Variants in MGLL observed in about 807,000 individuals in gnomAD.
MGLL encodes lysophospholipase homolog.
In MGLL, 7 loss-of-function variants were observed where a neutral mutation model predicts 29.1. That is an observed-to-expected ratio of 0.24 (90% CI 0.14 to 0.45). The LOEUF is 0.45. Ranked by LOEUF, MGLL falls within the 20% of genes least tolerant of loss-of-function variation. The pLI, the probability that MGLL is intolerant of heterozygous loss-of-function variation, is 0.99. For synonymous variants in MGLL, 148 were observed against 168.3 expected, an observed-to-expected ratio of 0.88 and a Z score of 0.93; for missense variants, 356 against 413.6, an observed-to-expected ratio of 0.86 and a Z score of 1.21.
At chr3:127,779,932 C>T (rs547717269) in intron 3 of MGLL, among the ~76,000 whole-genome samples, 10 of 152,326 alleles carry the variant, frequency 6.6e-5, no homozygotes, top group African/African-American at 1.2e-4. Flanking sequence ...AAGTCACACA[C>T]GCACAGTCAA....
chr3:127,752,632 G>A (rs1448049231), intron 3 of MGLL, among the ~76,000 whole-genome samples: 4 of 152,056 alleles, frequency 2.6e-5, no homozygotes, highest in Admixed American at 6.5e-5. Context: ...GTACATATGC[G>A]GCAGATCCCT....
chr3:127,801,663 A>G (rs1016413838), intron 2 of MGLL, among the ~76,000 whole-genome samples: 1 of 152,056 alleles, frequency 6.6e-6, no homozygotes, highest in African/African-American at 2.4e-5. Context: ...GACATTTCCA[A>G]GAAAAGTTCA....
At chr3:127,704,304 G>A (rs898465470) in intron 6 of MGLL, among the ~76,000 whole-genome samples, 2 of 152,152 alleles carry the variant, frequency 1.3e-5, no homozygotes, top group Non-Finnish European at 2.9e-5. Context: ...ATACCATTCA[G>A]GACTTAGGCA....
chr3:127,810,068 T>C (rs2077635164), intron 2 of MGLL, among the ~76,000 whole-genome samples: 1 of 152,170 alleles, frequency 6.6e-6, no homozygotes, highest in South Asian at 2.1e-4. Context: ...GCACAGCCTA[T>C]ACAATGAAGC....
intron 2 of MGLL, among the ~76,000 whole-genome samples, chr3:127,783,133 G>C (rs2077156367): frequency 1.0e-5 from 1 of 99,114 alleles, no homozygotes; most frequent in South Asian, 3.8e-4. Flanking sequence ...GACAGAGTGG[G>C]ACTCTGTCTC....
At chr3:127,803,486 G>A (rs2077514038) in intron 2 of MGLL, among the ~76,000 whole-genome samples, 1 of 152,210 alleles carries the variant, frequency 6.6e-6, no homozygotes, top group Non-Finnish European at 1.5e-5. Context: ...CACACCATAT[G>A]GGATGCTTTT....
chr3:127,738,227 G>A (rs1266450927), intron 3 of MGLL, among the ~76,000 whole-genome samples: 1 of 151,898 alleles, frequency 6.6e-6, no homozygotes, highest in African/African-American at 2.4e-5. Context: ...CTTGAGCCCG[G>A]GAAGTTGAGG....
chr3:127,770,332 C>T (rs1442815336), intron 3 of MGLL, among the ~76,000 whole-genome samples: 1 of 152,138 alleles, frequency 6.6e-6, no homozygotes, highest in Non-Finnish European at 1.5e-5. Context: ...TGTAATGCCT[C>T]ACCCTGAAAC....
chr3:127,785,985 G>A (rs1184086721), intron 2 of MGLL, among the ~76,000 whole-genome samples: 2 of 152,230 alleles, frequency 1.3e-5, no homozygotes, highest in Non-Finnish European at 2.9e-5. Flanking sequence ...CTGTCCTGGT[G>A]CAGGAGTCCT....
At chr3:127,822,568 T>C (rs766972834), upstream of MGLL, 211 of 558,954 alleles carry the variant, frequency 3.8e-4, no homozygotes, top group Non-Finnish European at 5.6e-4. Flanking sequence ...TCTCCACTAC[T>C]AGTTCATGTC....
chr3:127,816,498 G>T (rs1223081373), intron 2 of MGLL, among the ~76,000 whole-genome samples: 1 of 152,206 alleles, frequency 6.6e-6, no homozygotes, highest in Non-Finnish European at 1.5e-5. Flanking sequence ...AGATGGCTGG[G>T]AGGGGCCCTT....
chr3:127,716,852 C>T (rs2075825701), intron 5 of MGLL, among the ~76,000 whole-genome samples: 1 of 152,194 alleles, frequency 6.6e-6, no homozygotes. Flanking sequence ...CAGCAGGTAC[C>T]CTCAGGGTTG....
intron 3 of MGLL, among the ~76,000 whole-genome samples, chr3:127,767,722 G>C (rs925291718): frequency 4.6e-5 from 7 of 152,226 alleles, no homozygotes; most frequent in African/African-American, 1.7e-4. Context: ...TATAGTCTCA[G>C]AATGATGCTT....
At position 127,721,045 on chromosome 3, in the gene MGLL, C is replaced by G; in HGVS notation, c.510+8G>C. The G allele has an allele frequency of 6.2e-7, 1 of 1,611,530 alleles. No individual in the cohort carries two copies. Among genetic ancestry groups the G allele is most frequent in the Non-Finnish European group, 8.5e-7 (1 of 1,177,578 alleles). On this transcript the variant is annotated splice_region_variant and intron_variant, in intron 5 of 7. Transcript: ENST00000265052. ...GTAGGAATTGTACAGACTGGAAGGT[C>G]CTTTTACCTTGAAAGTTGTTGCAGA...
intron 3 of MGLL, among the ~76,000 whole-genome samples, chr3:127,764,072 C>A (rs1000742658): frequency 6.6e-6 from 1 of 152,242 alleles, no homozygotes; most frequent in African/African-American, 2.4e-5. Context: ...ATCACATGGC[C>A]TCTCTGGGTG....
intron 3 of MGLL, among the ~76,000 whole-genome samples, chr3:127,740,261 G>A (rs920660747): frequency 7.9e-5 from 12 of 152,294 alleles, no homozygotes; most frequent in African/African-American, 2.4e-4. Context: ...GCAGCTACCA[G>A]CACCATCCAG....
At chr3:127,740,079 G>A (rs2076311134) in intron 3 of MGLL, among the ~76,000 whole-genome samples, 1 of 152,238 alleles carries the variant, frequency 6.6e-6, no homozygotes, top group Non-Finnish European at 1.5e-5. Flanking sequence ...AGGAATGTGG[G>A]TCCAGCGTGG....
intron 3 of MGLL, among the ~76,000 whole-genome samples, chr3:127,760,541 G>C (rs538374636): frequency 1.9e-4 from 29 of 152,334 alleles, no homozygotes; most frequent in African/African-American, 6.3e-4. Context: ...GCCTTGGCAG[G>C]AGGCGAGGTG....
Position 127,701,191 on chromosome 3 carries a change from G to A in MGLL, c.601-6001C>T, listed in dbSNP as rs1398266232. 2.9e-5 allele frequency among the ~76,000 whole-genome samples: 4 copies of A among 135,796 alleles called. No individual in the cohort carries two copies. In the East Asian group the frequency reaches 6.6e-4, roughly 22 times the overall value. 89.1% of individuals were successfully genotyped at this position (135,796 alleles called of 152,430 possible). On this transcript the variant is annotated intron_variant, in intron 6 of 7. Transcript: ENST00000265052. The stretch of plus-strand genomic sequence containing the variant: ...GATCACGCCACTGCACTCCAGCCTG[G>A]GCAAGAGAGCGAGACCCTGCCTCCA...
Sources: gnomAD v4.1 joint callset for allele counts (sites outside exome capture counted in the v4.1 genomes callset) on GRCh38, gnomAD v4.1.1 for gene constraint, MANE v1.5 for transcripts, NCBI Gene and HGNC (gene_info 2026-07-23, HGNC 2026-07-21) for gene names.